TRAF3: variants seen among roughly 807,000 people sequenced by gnomAD.
TRAF3 encodes the protein TNF receptor associated factor 3.
Under a neutral mutation model 62.3 loss-of-function variants are expected in TRAF3, and 13 were observed. The observed-to-expected ratio is 0.21, with a 90% CI of 0.14 to 0.33. The LOEUF (loss-of-function observed/expected upper bound fraction) is 0.33, where lower values mean the gene tolerates loss of function less well. Among genes scored for constraint, TRAF3 ranks in the 10% least tolerant of loss-of-function variants. The pLI is 1.00. For synonymous variants in TRAF3, 269 were observed against 283.4 expected, an observed-to-expected ratio of 0.95 and a Z score of 0.51; for missense variants, 440 against 741.8, an observed-to-expected ratio of 0.59 and a Z score of 4.73.
chr14:102,875,035 T>C (rs1712016176), intron 4 of TRAF3, among the ~76,000 whole-genome samples: 2 of 152,236 alleles, frequency 1.3e-5, no homozygotes, highest in South Asian at 4.1e-4. Context: ...GAGAGTGTTT[T>C]TCAACCACAG....
intron 2 of TRAF3, among the ~76,000 whole-genome samples, chr14:102,841,876 A>G (rs528628360): frequency 7.9e-5 from 12 of 152,220 alleles, no homozygotes; most frequent in African/African-American, 2.2e-4. Context: ...AGAGAAAAAC[A>G]TAAGCATACT....
At chr14:102,868,259 G>A (rs1187717825) in intron 2 of TRAF3, among the ~76,000 whole-genome samples, 4 of 152,210 alleles carry the variant, frequency 2.6e-5, no homozygotes, top group East Asian at 3.8e-4. Flanking sequence ...AGGCATGGAG[G>A]TGGGAAACTC....
rs1888259233 is a variant in TRAF3 at position 102,870,261 on chromosome 14, G to T, written c.60G>T (p.Lys20Asn). ...PGALQTNPPLKLHTDRSAGTP... is the reference protein window; with the variant it reads ...PGALQTNPPLNLHTDRSAGTP... The stretch of plus-strand genomic sequence containing the variant: ...CGCTGCAGACTAACCCGCCGCTAAA[G>T]CTGCACACTGACCGCAGTGCTGGGA... The change falls in exon 3 of 12, where the codon AAG becomes AAT. Residue 20 changes from lysine (K) to asparagine (N), a missense_variant. This residue lies in a region of TRAF3 where 40 missense variants were observed against 38.3 expected (regional missense o/e 1.05). Transcript: ENST00000392745. 9.9e-6 allele frequency: 16 copies of T among 1,614,194 alleles called. No individual in the cohort carries two copies. Among genetic ancestry groups the T allele is most frequent in the Non-Finnish European group, 1.4e-5 (16 of 1,180,032 alleles).
intron 2 of TRAF3, among the ~76,000 whole-genome samples, chr14:102,859,607 A>G (rs1479742284): frequency 2.6e-5 from 4 of 152,252 alleles, no homozygotes; most frequent in Admixed American, 1.3e-4. Context: ...TATTTTACCA[A>G]TAATCTTTAA....
At chr14:102,864,458 C>T (rs906192817) in intron 2 of TRAF3, among the ~76,000 whole-genome samples, 1 of 151,986 alleles carries the variant, frequency 6.6e-6, no homozygotes, top group Non-Finnish European at 1.5e-5. Context: ...TAGTTTTTGC[C>T]AGTTTTTAAA....
At chr14:102,877,879 G>A (rs780893350) in intron 6 of TRAF3, among the ~76,000 whole-genome samples, 1 of 147,512 alleles carries the variant, frequency 6.8e-6, no homozygotes, top group Non-Finnish European at 1.5e-5. Flanking sequence ...GCCTTCCGCT[G>A]AGTTCATAAA....
chr14:102,864,656 C>T (rs952229735), intron 2 of TRAF3, among the ~76,000 whole-genome samples: 1 of 152,166 alleles, frequency 6.6e-6, no homozygotes, highest in African/African-American at 2.4e-5. Context: ...GGATAAATAG[C>T]ATAAGAGATG....
chr14:102,910,894 C>G lies in TRAF3; in HGVS notation c.*5110C>G, dbSNP rs1890834095. 6.6e-6 allele frequency: 1 copy of G among 152,262 alleles called. No homozygotes were observed. Among genetic ancestry groups the G allele is most frequent in the African/African-American group, 2.4e-5 (1 of 41,470 alleles). 9.4% of individuals were successfully genotyped at this position (152,262 alleles called of 1,614,324 possible). ...GTAAGATACCCTCCAACAGCAAATT[C>G]AATGACTTAATTGGAAAACACACAA... is the stretch of plus-strand genomic sequence containing the variant. On this transcript the variant is annotated 3_prime_UTR_variant, in exon 12 of 12. Transcript: ENST00000392745.
intron 1 of TRAF3, among the ~76,000 whole-genome samples, chr14:102,813,046 G>A (rs920675038): frequency 2.6e-5 from 4 of 151,820 alleles, no homozygotes; most frequent in Non-Finnish European, 5.9e-5. Context: ...CACAATCTCG[G>A]CTCACCACAA....
intron 1 of TRAF3, among the ~76,000 whole-genome samples, chr14:102,820,496 T>C (rs1899831618): frequency 6.7e-6 from 1 of 148,752 alleles, no homozygotes; most frequent in African/African-American, 2.5e-5. Flanking sequence ...TTTATTTTAA[T>C]GTTTTTCAGA....
intron 1 of TRAF3, among the ~76,000 whole-genome samples, chr14:102,804,400 CTG>C (rs1898642435): frequency 6.6e-6 from 1 of 152,188 alleles, no homozygotes; most frequent in Admixed American, 6.5e-5. Context: ...TAGCTTTCCA[CTG>C]TGAGGCCGCC....
At chr14:102,789,221 A>G (rs896739751) in intron 1 of TRAF3, among the ~76,000 whole-genome samples, 1 of 152,232 alleles carries the variant, frequency 6.6e-6, no homozygotes, top group African/African-American at 2.4e-5. Context: ...GCTGAATCAT[A>G]ATCCATTGTA....
intron 6 of TRAF3, among the ~76,000 whole-genome samples, chr14:102,885,606 C>G (rs1889334228): frequency 6.6e-6 from 1 of 152,190 alleles, no homozygotes; most frequent in South Asian, 2.1e-4. Context: ...AAGGCCTAAC[C>G]CAAAACCTAT....
At chr14:102,896,233 T>C in intron 9 of TRAF3, among the ~76,000 whole-genome samples, 1 of 152,174 alleles carries the variant, frequency 6.6e-6, no homozygotes, top group African/African-American at 2.4e-5. Context: ...TGCTGTTCAG[T>C]GGGCTCAAAA....
chr14:102,892,047 CTTTTTTTTTTTT>C (rs778938323), intron 9 of TRAF3, among the ~76,000 whole-genome samples: 2 of 121,450 alleles, frequency 1.6e-5, no homozygotes, highest in African/African-American at 6.0e-5. Context: ...CCATGCTGTT[CTTTTTTTTTTTT>C]TTTTTTTTTC....
chr14:102,782,590 T>C lies in TRAF3; in HGVS notation c.-157+4915T>C, dbSNP rs79464678. On this transcript the variant is annotated intron_variant, in intron 1 of 11. Transcript: ENST00000392745. Reference sequence around the variant, plus strand: ...CAACCTACTCCTCTGTCATCCATGTTTAAATGACCTAAGTCTCCTTAATTC... The same window carrying C: ...CAACCTACTCCTCTGTCATCCATGTCTAAATGACCTAAGTCTCCTTAATTC... 1.8e-3 allele frequency among the ~76,000 whole-genome samples: 274 copies of C among 152,332 alleles called. 5 individuals carry two copies. The East Asian group carries it at 0.042, about 23-fold the overall frequency.
At chr14:102,799,502 G>A (rs1898270574) in intron 1 of TRAF3, among the ~76,000 whole-genome samples, 1 of 152,190 alleles carries the variant, frequency 6.6e-6, no homozygotes, top group Admixed American at 6.5e-5. Context: ...CCAGGCTGGA[G>A]TGCAATGGTG....
intron 2 of TRAF3, among the ~76,000 whole-genome samples, chr14:102,847,512 G>C (rs1886795325): frequency 2.0e-5 from 3 of 152,146 alleles, no homozygotes; most frequent in Non-Finnish European, 2.9e-5. Context: ...AATTTTCCAG[G>C]TGAGAATTGA....
intron 9 of TRAF3, among the ~76,000 whole-genome samples, 193 bp from the exon 10 acceptor site, chr14:102,897,068 G>A (rs1294518422): frequency 6.6e-6 from 1 of 152,024 alleles, no homozygotes; most frequent in Non-Finnish European, 1.5e-5. Context: ...GCAAGACCCT[G>A]TCTCTAGAGG....
Sources: gnomAD v4.1 joint callset for allele counts (sites outside exome capture counted in the v4.1 genomes callset) on GRCh38, gnomAD v4.1.1 for gene constraint, gnomAD v4.1.1 regional missense constraint, MANE v1.5 for transcripts, NCBI Gene and HGNC (gene_info 2026-07-23, HGNC 2026-07-21) for gene names.